PDZD8: variants seen among roughly 807,000 people sequenced by gnomAD.
The protein encoded by PDZD8 is PDZ domain-containing protein 8.
Under a neutral mutation model 85.8 loss-of-function variants are expected in PDZD8, and 14 were observed. The observed-to-expected ratio is 0.16, with a 90% CI of 0.11 to 0.26. The LOEUF (loss-of-function observed/expected upper bound fraction) is 0.26, where lower values mean the gene tolerates loss of function less well. Among genes scored for constraint, PDZD8 ranks in the 10% least tolerant of loss-of-function variants. PDZD8 has a pLI of 1.00. For synonymous variants in PDZD8, 592 were observed against 568.6 expected (o/e 1.04, Z -0.59); for missense variants, 1,197 against 1,424.3 (o/e 0.84, Z 2.57).
chr10:117,341,774 G>C (rs1355262420), intron 1 of PDZD8, among the ~76,000 whole-genome samples: 11 of 152,164 alleles, frequency 7.2e-5, no homozygotes. Flanking sequence ...ATCCATGGAT[G>C]TGGAACCCAT....
intron 1 of PDZD8, among the ~76,000 whole-genome samples, chr10:117,345,524 G>C (rs961441533): frequency 1.3e-5 from 2 of 152,098 alleles, no homozygotes; most frequent in Admixed American, 6.5e-5. Context: ...AAATAATCCA[G>C]GCAGTCAACC....
intron 1 of PDZD8, among the ~76,000 whole-genome samples, chr10:117,344,495 C>T (rs1285863259): frequency 6.6e-6 from 1 of 152,216 alleles, no homozygotes; most frequent in African/African-American, 2.4e-5. Flanking sequence ...TCACGCCATT[C>T]TCCTGCCTCA....
intron 2 of PDZD8, among the ~76,000 whole-genome samples, chr10:117,336,989 T>A (rs1479451080): frequency 2.0e-5 from 3 of 151,832 alleles, no homozygotes; most frequent in Non-Finnish European, 2.9e-5. Context: ...CTTGGGAGGC[T>A]GAGGCAAAAG....
intron 1 of PDZD8, among the ~76,000 whole-genome samples, chr10:117,370,508 T>G (rs773327164): frequency 3.2e-4 from 49 of 152,214 alleles, no homozygotes; most frequent in Admixed American, 1.4e-3. Context: ...ACAATTCTCT[T>G]TACTGCTTTA....
At chr10:117,313,253 T>C (rs756255941) in intron 3 of PDZD8, among the ~76,000 whole-genome samples, 8 of 152,290 alleles carry the variant, frequency 5.3e-5, no homozygotes, top group Non-Finnish European at 1.0e-4. Flanking sequence ...ATGCTGCAAT[T>C]GTAAAATATA....
At chr10:117,328,698 G>A (rs1180673534) in intron 2 of PDZD8, among the ~76,000 whole-genome samples, 2 of 150,596 alleles carry the variant, frequency 1.3e-5, no homozygotes, top group African/African-American at 4.9e-5. Flanking sequence ...CTATTTCCTT[G>A]TTTCTACCTT....
At chr10:117,324,208 C>CAAA (rs60898350) in intron 2 of PDZD8, among the ~76,000 whole-genome samples, 7 of 29,226 alleles carry the variant, frequency 2.4e-4, no homozygotes, top group East Asian at 7.4e-4. Context: ...GACTCCATCT[C>CAAA]AAAAAAAAAA....
At chr10:117,327,415 A>G (rs1355683589) in intron 2 of PDZD8, among the ~76,000 whole-genome samples, 1 of 152,258 alleles carries the variant, frequency 6.6e-6, no homozygotes, top group Non-Finnish European at 1.5e-5. Flanking sequence ...ATAAGCAAAT[A>G]GATGCCAACA....
intron 1 of PDZD8, among the ~76,000 whole-genome samples, chr10:117,373,786 A>C (rs2133900100): frequency 6.6e-6 from 1 of 151,906 alleles, no homozygotes; most frequent in South Asian, 2.1e-4. Flanking sequence ...TCTCAAAAAC[A>C]AAAACAAAAA....
Position 117,374,946 on chromosome 10 carries a change from A to G in PDZD8, c.282T>C (p.Thr94=). ...PETPAPPTRE[T]CYFLNATILF... is the part of the protein sequence containing the mutation. ...GGATGGTGGCGTTGAGGAAGTAGCA[A>G]GTCTCCCGCGTCGGCGGGGCGGGGG... Residue 94 remains threonine (T), a synonymous_variant, in exon 1 of 5, where the codon ACT becomes ACC. Coordinates refer to ENST00000334464, the MANE Select transcript of PDZD8 (RefSeq NM_173791.5). The surrounding 1 kb of genome is among the most constrained non-coding windows in gnomAD (Gnocchi z 7.8). 1.2e-6 allele frequency: 2 copies of G among 1,611,556 alleles called. No homozygotes were observed. Among genetic ancestry groups the G allele is most frequent in the Non-Finnish European group, 8.5e-7 (1 of 1,179,500 alleles).
chr10:117,373,379 T>C (rs557582820), intron 1 of PDZD8, among the ~76,000 whole-genome samples: 1 of 152,172 alleles, frequency 6.6e-6, no homozygotes, highest in South Asian at 2.1e-4. Context: ...TGTTCTACAA[T>C]CTACCCAAAA....
At chr10:117,291,461 A>G (rs1844762624) in intron 3 of PDZD8, among the ~76,000 whole-genome samples, 1 of 151,478 alleles carries the variant, frequency 6.6e-6, no homozygotes, top group Non-Finnish European at 1.5e-5. Context: ...CCCGGGAGGC[A>G]GAGGTTGAAG....
intron 3 of PDZD8, among the ~76,000 whole-genome samples, chr10:117,301,288 AATC>A (rs1368508978): frequency 6.6e-6 from 1 of 152,068 alleles, no homozygotes; most frequent in Non-Finnish European, 1.5e-5. Context: ...CTGGCCAAAA[AATC>A]ATCATTTTTG....
At chr10:117,297,958 A>AT in intron 3 of PDZD8, among the ~76,000 whole-genome samples, 1 of 152,268 alleles carries the variant, frequency 6.6e-6, no homozygotes, top group East Asian at 1.9e-4. Context: ...ACTAATTCAG[A>AT]TAACCTTTAG....
chr10:117,339,841 G>T (rs1332574642), intron 2 of PDZD8, among the ~76,000 whole-genome samples: 8 of 152,154 alleles, frequency 5.3e-5, no homozygotes, highest in Non-Finnish European at 8.8e-5. Context: ...TGAGGGGCTG[G>T]GCGGAGGATG....
At chr10:117,372,824 T>C (rs1044045681) in intron 1 of PDZD8, among the ~76,000 whole-genome samples, 6 of 152,178 alleles carry the variant, frequency 3.9e-5, no homozygotes, top group Admixed American at 6.5e-5. Context: ...GCTGTTAGCC[T>C]AAACAAAACA....
intron 2 of PDZD8, among the ~76,000 whole-genome samples, chr10:117,328,892 G>C (rs530797308): frequency 6.6e-6 from 1 of 152,274 alleles, no homozygotes; most frequent in South Asian, 2.1e-4. Context: ...GGCCTTGACT[G>C]ATATCTCCTC....
intron 3 of PDZD8, among the ~76,000 whole-genome samples, chr10:117,303,097 GT>G (rs1189263111): frequency 1.3e-5 from 2 of 152,208 alleles, no homozygotes; most frequent in Non-Finnish European, 2.9e-5. Context: ...GGTTGGAACA[GT>G]TTGGAAGGCT....
rs773730248 is a variant in PDZD8 at position 117,290,144 on chromosome 10, T to G, written c.1261+42A>C. The G allele has an allele frequency of 1.8e-5, 27 of 1,519,968 alleles. No homozygotes were observed. In the Admixed American group the frequency reaches 5.4e-4, roughly 30 times the overall value. 94.2% of individuals were successfully genotyped at this position (1,519,968 alleles called of 1,614,324 possible). ...AAAAACCTCACACCTACTTTGTAGT[T>G]TATCTGTAAAGGTAAAGTATAATGC... is the stretch of plus-strand genomic sequence containing the variant. On this transcript the variant is annotated intron_variant, in intron 4 of 4. Transcript: ENST00000334464.
Sources: allele counts gnomAD v4.1 joint callset (sites outside exome capture counted in the v4.1 genomes callset), GRCh38; gene constraint gnomAD v4.1.1; non-coding constraint Gnocchi (gnomAD v3.1); transcripts MANE v1.5; gene names NCBI Gene and HGNC (gene_info 2026-07-23, HGNC 2026-07-21).